Variants in LINGO2 observed in about 807,000 individuals in gnomAD.
LINGO2 encodes leucine-rich repeat and immunoglobulin-like domain-containing nogo receptor-interacting protein 2.
Under a neutral mutation model 30.6 loss-of-function variants are expected in LINGO2, and 14 were observed. The observed-to-expected ratio is 0.46, with a 90% CI of 0.30 to 0.72. The LOEUF is 0.72. Among genes scored for constraint, LINGO2 ranks in the 30% least tolerant of loss-of-function variants. The pLI, the probability that LINGO2 is intolerant of heterozygous loss-of-function variation, is 0.07. For synonymous variants in LINGO2, 317 were observed against 288.5 expected (o/e 1.10, Z -1.00); for missense variants, 729 against 751.7 (o/e 0.97, Z 0.35).
intron 2 of LINGO2, among the ~76,000 whole-genome samples, chr9:28,459,616 G>A (rs796522232): frequency 5.3e-5 from 8 of 151,820 alleles, no homozygotes; most frequent in Non-Finnish European, 8.8e-5. Context: ...TAGACTTTTC[G>A]CTCCTTAGAA....
At chr9:28,853,830 G>A in the LINGO2 span, among the ~76,000 whole-genome samples, 28 of 151,906 alleles carry the variant, frequency 1.8e-4, no homozygotes, top group African/African-American at 6.5e-4. Flanking sequence ...CCCTTGACAT[G>A]TGGGGATTAT....
the LINGO2 span, among the ~76,000 whole-genome samples, chr9:28,784,902 C>T: frequency 4.7e-5 from 7 of 150,306 alleles, no homozygotes; most frequent in African/African-American, 9.8e-5. Context: ...GAGCCGAGAT[C>T]GTGCCACTGC....
the LINGO2 span, among the ~76,000 whole-genome samples, chr9:28,730,660 C>G: frequency 6.6e-6 from 1 of 152,058 alleles, no homozygotes; most frequent in Non-Finnish European, 1.5e-5. Context: ...CATAGAGGTT[C>G]ACTATGACAG....
chr9:28,146,023 T>C (rs1827803226), intron 4 of LINGO2, among the ~76,000 whole-genome samples: 1 of 152,174 alleles, frequency 6.6e-6, no homozygotes, highest in Non-Finnish European at 1.5e-5. Flanking sequence ...TTGTACAGCA[T>C]TGTCAAAAAT....
rs1472341058 is a variant in LINGO2 at position 28,183,316 on chromosome 9, C to T, written c.-87+111892G>A. ...CCAGGGCCTGTTGAGGGGTGGGGGG[C>T]GAGGGGAGGGAACTTAGAGGTCAGG... On this transcript the variant is annotated intron_variant, in intron 4 of 5. Coordinates refer to ENST00000379992, the Ensembl canonical transcript of LINGO2. Among the ~76,000 whole-genome samples the T allele has an allele frequency of 8.6e-5, 13 of 151,552 alleles. No individual in the cohort carries two copies. The East Asian group carries it at 9.7e-4, about 11-fold the overall frequency.
At chr9:28,328,466 T>C (rs985614760) in intron 3 of LINGO2, among the ~76,000 whole-genome samples, 1 of 152,146 alleles carries the variant, frequency 6.6e-6, no homozygotes, top group East Asian at 1.9e-4. Flanking sequence ...GTAGAATATG[T>C]TGTTCTTATC....
At chr9:28,696,033 T>C in the LINGO2 span, among the ~76,000 whole-genome samples, 9 of 151,904 alleles carry the variant, frequency 5.9e-5, no homozygotes, top group Non-Finnish European at 8.8e-5. Context: ...CCTTACTTTT[T>C]CCCCTCAGTT....
chr9:28,731,677 T>G, the LINGO2 span, among the ~76,000 whole-genome samples: 1 of 152,096 alleles, frequency 6.6e-6, no homozygotes, highest in Non-Finnish European at 1.5e-5. Flanking sequence ...ATGGCAGATA[T>G]AGAAACCTGC....
At chr9:28,753,138 G>T in the LINGO2 span, among the ~76,000 whole-genome samples, 17 of 151,954 alleles carry the variant, frequency 1.1e-4, no homozygotes, top group Non-Finnish European at 2.2e-4. Context: ...TGCATATTTT[G>T]GAAGGAGTGT....
chr9:28,604,648 G>T (rs1339929442), intron 1 of LINGO2, among the ~76,000 whole-genome samples: 1 of 151,948 alleles, frequency 6.6e-6, no homozygotes, highest in African/African-American at 2.4e-5. Context: ...GTTAACTGTT[G>T]TACTGTTTGC....
chr9:28,361,520 A>G lies in LINGO2; in HGVS notation c.-246+11316T>C, dbSNP rs79575637. 4.7e-4 allele frequency among the ~76,000 whole-genome samples: 71 copies of G among 152,086 alleles called. No individual in the cohort carries two copies. In the East Asian group the frequency reaches 0.011, roughly 23 times the overall value. ...CTATCCTATTCTATTTCATTTTATT[A>G]TATTGTATTTTTAAAATGCTGGGGC... On this transcript the variant is annotated intron_variant, in intron 3 of 5. Coordinates refer to ENST00000379992, the Ensembl canonical transcript of LINGO2.
the LINGO2 span, among the ~76,000 whole-genome samples, chr9:28,770,557 C>T: frequency 6.6e-6 from 1 of 152,140 alleles, no homozygotes; most frequent in East Asian, 1.9e-4. Context: ...GTCACTCTGT[C>T]TTCCGAAAAT....
the LINGO2 span, among the ~76,000 whole-genome samples, chr9:28,997,809 C>T: frequency 7.1e-6 from 1 of 141,024 alleles, no homozygotes; most frequent in Non-Finnish European, 1.5e-5. Context: ...GGCAACAGAG[C>T]AAGACTCTGT....
the LINGO2 span, among the ~76,000 whole-genome samples, chr9:28,860,035 T>A: frequency 1.1e-4 from 16 of 152,192 alleles, no homozygotes; most frequent in South Asian, 2.1e-3. Context: ...GAAATATTCA[T>A]AAACTAATTG....
At chr9:28,091,520 C>G (rs1250706659) in intron 4 of LINGO2, among the ~76,000 whole-genome samples, 1 of 152,136 alleles carries the variant, frequency 6.6e-6, no homozygotes. Flanking sequence ...GAAACTGGAT[C>G]CCTTCCTTAT....
the LINGO2 span, among the ~76,000 whole-genome samples, chr9:29,135,029 C>G: frequency 6.6e-6 from 1 of 151,822 alleles, no homozygotes; most frequent in African/African-American, 2.4e-5. Context: ...TTAGTTTGAA[C>G]TTTTAAAACT....
At chr9:28,817,075 G>C in the LINGO2 span, among the ~76,000 whole-genome samples, 1 of 152,108 alleles carries the variant, frequency 6.6e-6, no homozygotes, top group East Asian at 1.9e-4. Context: ...AATTTTACAA[G>C]TTTGAGAATT....
chr9:28,528,701 A>G (rs909927273), intron 1 of LINGO2, among the ~76,000 whole-genome samples: 1 of 152,122 alleles, frequency 6.6e-6, no homozygotes, highest in African/African-American at 2.4e-5. Context: ...TGTCCTTACT[A>G]TCTACTAAAT....
At chr9:28,354,091 A>T (rs1389396590) in intron 3 of LINGO2, among the ~76,000 whole-genome samples, 1 of 152,104 alleles carries the variant, frequency 6.6e-6, no homozygotes, top group Non-Finnish European at 1.5e-5. Context: ...AGCATGGCGC[A>T]TGTATACATA....
Sources: allele counts gnomAD v4.1 joint callset (sites outside exome capture counted in the v4.1 genomes callset), GRCh38; gene constraint gnomAD v4.1.1; transcripts MANE v1.5; gene names NCBI Gene and HGNC (gene_info 2026-07-23, HGNC 2026-07-21).